TSNARE1: variants seen among roughly 807,000 people sequenced by gnomAD.
TSNARE1 encodes the protein t-SNARE domain containing 1, also known as t-SNARE domain-containing protein 1.
Under a neutral mutation model 62.0 loss-of-function variants are expected in TSNARE1, and 49 were observed. The observed-to-expected ratio is 0.79, with a 90% CI of 0.63 to 1.00. TSNARE1 has a LOEUF of 1.00. TSNARE1 is among the 50% of genes least tolerant of loss of function. The pLI is 0.00. For missense variants in TSNARE1, 755 were observed against 700.1 expected, an observed-to-expected ratio of 1.08 and a Z score of -0.88; for synonymous variants, 328 against 294.4, an observed-to-expected ratio of 1.11 and a Z score of -1.17.
In TSNARE1 at chr8:142,330,747, C is replaced by T. The variant is rs180882156; in HGVS notation, c.893+154G>A. ...AGCACTGACTAGGCTTATCCGCAGGCGTGTGTGCATATGTGCGCACATGTG... is the reference window on the plus strand; with the variant it reads ...AGCACTGACTAGGCTTATCCGCAGGTGTGTGTGCATATGTGCGCACATGTG... On this transcript the variant is annotated intron_variant, in intron 6 of 13. Transcript: ENST00000524325. 2.0e-4 allele frequency among the ~76,000 whole-genome samples: 30 copies of T among 152,308 alleles called. 2 individuals are homozygous for T. The highest frequency in any genetic ancestry group is 6.7e-4 in the African/African-American group (28 of 41,558).
At chr8:142,284,848 A>G (rs1822412403) in intron 10 of TSNARE1, among the ~76,000 whole-genome samples, 2 of 152,222 alleles carry the variant, frequency 1.3e-5, no homozygotes, top group African/African-American at 4.8e-5. Flanking sequence ...AGTCTAGTGA[A>G]GGACAGCATC....
intron 6 of TSNARE1, chr8:142,326,080 CG>C (rs1830189334): frequency 6.4e-6 from 1 of 156,582 alleles, no homozygotes. Flanking sequence ...CCGGAGAGCA[CG>C]AGACGGATGA....
intron 1 of TSNARE1, among the ~76,000 whole-genome samples, chr8:142,384,628 C>T (rs897855021): frequency 6.6e-6 from 1 of 152,128 alleles, no homozygotes; most frequent in Non-Finnish European, 1.5e-5. Flanking sequence ...GATAGCCCCA[C>T]GCAAAAGAAT....
intron 9 of TSNARE1, among the ~76,000 whole-genome samples, chr8:142,308,551 T>C (rs1231197860): frequency 6.6e-6 from 1 of 152,144 alleles, no homozygotes; most frequent in East Asian, 1.9e-4. Context: ...CCCTGTCCCA[T>C]GCGTTGGTGT....
intron 9 of TSNARE1, among the ~76,000 whole-genome samples, chr8:142,302,314 C>A (rs935292361): frequency 1.3e-5 from 2 of 152,180 alleles, no homozygotes; most frequent in African/African-American, 4.8e-5. Flanking sequence ...AGGTGCTCTC[C>A]CAGCTGACTC....
chr8:142,227,626 G>A (rs112795710), intron 13 of TSNARE1, among the ~76,000 whole-genome samples: 154 of 152,344 alleles, frequency 1.0e-3, no homozygotes, highest in African/African-American at 3.4e-3. Context: ...ATGAGGTAAG[G>A]CCACCTGGGG....
intron 13 of TSNARE1, among the ~76,000 whole-genome samples, chr8:142,226,311 T>C (rs975675329): frequency 6.6e-6 from 1 of 152,156 alleles, no homozygotes; most frequent in South Asian, 2.1e-4. Context: ...GGCACACGCA[T>C]GGGCTTGCGC....
chr8:142,245,867 C>T (rs1817863014), intron 12 of TSNARE1, among the ~76,000 whole-genome samples: 1 of 152,160 alleles, frequency 6.6e-6, no homozygotes. Context: ...ACGCTACACA[C>T]AACCTGGTGT....
chr8:142,321,245 A>G (rs994709188), intron 6 of TSNARE1, among the ~76,000 whole-genome samples: 5 of 152,206 alleles, frequency 3.3e-5, no homozygotes, highest in African/African-American at 1.2e-4. Flanking sequence ...GGAGACCTCC[A>G]CTTACAGCCA....
intron 4 of TSNARE1, among the ~76,000 whole-genome samples, chr8:142,338,745 T>C (rs375006609): frequency 2.5e-4 from 38 of 152,314 alleles, no homozygotes; most frequent in Non-Finnish European, 4.7e-4. Context: ...GTCAAGACAG[T>C]GTGCAGCCTG....
At chr8:142,332,893 T>C (rs74543310) in intron 4 of TSNARE1, among the ~76,000 whole-genome samples, 3,532 of 152,238 alleles carry the variant, frequency 0.023, 46 homozygotes, top group East Asian at 0.072. Context: ...AGCAGCTTGA[T>C]TGCTACCAGC....
Position 142,277,301 on chromosome 8 carries a change from C to T in TSNARE1, c.1364-2438G>A, listed in dbSNP as rs1431363101. On this transcript the variant is annotated intron_variant, in intron 11 of 13. Transcript: ENST00000524325. ...GGGCCAGAGAGAGCAGCCTTTGGGA[C>T]CGCCCTCCCCAGACACTCGCAGAGC... The T allele has an allele frequency of 3.0e-6, 3 of 985,256 alleles. No individual in the cohort carries two copies. The African/African-American group carries it at 5.2e-5, about 17-fold the overall frequency. 61.0% of individuals were successfully genotyped at this position (985,256 alleles called of 1,614,324 possible). A position where few individuals can be genotyped will look rare whatever the true frequency, so the allele number is the denominator to read the frequency against.
intron 12 of TSNARE1, among the ~76,000 whole-genome samples, chr8:142,248,766 C>G (rs113413861): frequency 0.017 from 2,651 of 152,286 alleles, 70 homozygotes; most frequent in African/African-American, 0.054. Context: ...GCCTGGCCCA[C>G]GGGGGCTCCA....
chr8:142,221,369 A>T (rs375769351), intron 13 of TSNARE1, among the ~76,000 whole-genome samples: 31 of 152,352 alleles, frequency 2.0e-4, no homozygotes, highest in African/African-American at 7.5e-4. Flanking sequence ...GAAGCACGCA[A>T]AGGTCCCGCC....
At chr8:142,370,987 G>C (rs1226996308) in intron 1 of TSNARE1, among the ~76,000 whole-genome samples, 1 of 152,134 alleles carries the variant, frequency 6.6e-6, no homozygotes, top group East Asian at 1.9e-4. Flanking sequence ...AAAGCAAAAG[G>C]GACTGTATAA....
At chr8:142,309,528 C>G (rs750022899) in intron 9 of TSNARE1, among the ~76,000 whole-genome samples, 17 of 152,150 alleles carry the variant, frequency 1.1e-4, no homozygotes, top group Non-Finnish European at 1.9e-4. Context: ...TACACATTTC[C>G]TCACTTATTC....
intron 12 of TSNARE1, among the ~76,000 whole-genome samples, chr8:142,256,744 A>C (rs1586874902): frequency 6.6e-6 from 1 of 152,354 alleles, no homozygotes; most frequent in Admixed American, 6.5e-5. Context: ...AATATGCTCG[A>C]AGTTGCACAC....
chr8:142,405,121 C>G (rs1419092282), upstream of TSNARE1: 1 of 152,250 alleles, frequency 6.6e-6, no homozygotes, highest in East Asian at 1.9e-4. Flanking sequence ...AGGTAAACCT[C>G]TCCGTGGAAG....
intron 1 of TSNARE1, among the ~76,000 whole-genome samples, chr8:142,357,707 ACAGG>A (rs1379014072): frequency 1.3e-5 from 2 of 152,248 alleles, no homozygotes; most frequent in African/African-American, 4.8e-5. Context: ...AGGGGCTGGC[ACAGG>A]CAGGCAGATA....
Sources: gnomAD v4.1 joint callset for allele counts (sites outside exome capture counted in the v4.1 genomes callset) on GRCh38, gnomAD v4.1.1 for gene constraint, MANE v1.5 for transcripts, NCBI Gene and HGNC (gene_info 2026-07-23, HGNC 2026-07-21) for gene names.